WNT9A: variants seen among roughly 807,000 people sequenced by gnomAD.
WNT9A encodes the protein protein Wnt-9a.
In WNT9A, 8 loss-of-function variants were observed where a neutral mutation model predicts 31.4. That is an observed-to-expected ratio of 0.26 (90% CI 0.15 to 0.46). WNT9A has a LOEUF of 0.46. WNT9A is among the 20% of genes least tolerant of loss of function. The probability of loss-of-function intolerance (pLI) is 0.99; values close to 1 mark genes in which losing one functional copy is unlikely to be tolerated. For synonymous variants in WNT9A, 236 were observed against 220.1 expected (o/e 1.07, Z -0.64); for missense variants, 457 against 522.9 (o/e 0.87, Z 1.23).
At position 227,921,698 on chromosome 1, in the gene WNT9A, C is replaced by T. The variant is rs141731322; in HGVS notation, c.918G>A (p.Pro306=). The T allele has an allele frequency of 3.0e-4, 478 of 1,612,754 alleles. 4 individuals are homozygous for T. The East Asian group carries it at 8.7e-3, about 29-fold the overall frequency. The change falls in exon 4 of 4, where the codon CCG becomes CCA. Residue 306 remains proline (P), a synonymous_variant. Transcript: ENST00000272164. ...GGTGGCACCTACGGCCAGCGGTGCC[C>T]GGGGAGAAGCGGCCAGCCAGGCAGA... ...PSFCLAGRFS[P]GTAGRRCHRE... is the part of the protein sequence containing the mutation.
At position 227,928,398 on chromosome 1, in the gene WNT9A, A is replaced by C. The variant is rs1666455234; in HGVS notation, c.96-2879T>G. Among the ~76,000 whole-genome samples, 4 of 152,140 alleles carry C rather than the reference A, an allele frequency of 2.6e-5. No homozygotes were observed. Among genetic ancestry groups the C allele is most frequent in the Admixed American group, 1.3e-4 (2 of 15,284 alleles). On this transcript the variant is annotated intron_variant, in intron 1 of 3. Coordinates refer to ENST00000272164, the MANE Select transcript of WNT9A (RefSeq NM_003395.4). The surrounding 1 kb of genome is among the most constrained non-coding windows in gnomAD (Gnocchi z 4.5). ...TGTGGAGGGAGGGTTGCCCCAGCCT[A>C]GCAGTGGCAAGGGATGGCCTGAGGC...
Position 227,921,445 on chromosome 1 carries a change from G to A in WNT9A, c.*73C>T. On this transcript the variant is annotated 3_prime_UTR_variant, in exon 4 of 4. Transcript: ENST00000272164. ...CTGGTCGAGCCCAGGAACTCAGCCT[G>A]TGCAGGTGTAGACCCTTCACACCGT... The A allele has an allele frequency of 1.3e-6, 2 of 1,531,020 alleles. No homozygotes were observed. The highest frequency in any genetic ancestry group is 1.8e-6 in the Non-Finnish European group (2 of 1,139,010). The allele number at this position is 1,531,020 out of a possible 1,614,324, so 94.8% of individuals were successfully genotyped here.
chr1:227,924,942 T>C (rs755891568), intron 2 of WNT9A, among the ~76,000 whole-genome samples: 9 of 152,084 alleles, frequency 5.9e-5, no homozygotes, highest in Admixed American at 5.2e-4. Context: ...TGCACAGGCA[T>C]AGCCCACTGG....
chr1:227,943,818 T>TAAAATTTA (rs1443707074), intron 1 of WNT9A, among the ~76,000 whole-genome samples: 2 of 152,142 alleles, frequency 1.3e-5, no homozygotes, highest in African/African-American at 4.8e-5. Context: ...CTACAAAAAA[T>TAAAATTTA]AAAATTTAAA....
chr1:227,923,422 G>C (rs1666359530), intron 3 of WNT9A, among the ~76,000 whole-genome samples: 1 of 152,178 alleles, frequency 6.6e-6, no homozygotes, highest in African/African-American at 2.4e-5. Context: ...GTCCAGCCCG[G>C]ACTCCCCCAG....
chr1:227,936,383 G>A (rs1038021790), intron 1 of WNT9A, among the ~76,000 whole-genome samples: 19 of 152,092 alleles, frequency 1.2e-4, no homozygotes, highest in African/African-American at 4.1e-4. Flanking sequence ...GTAGAGACGG[G>A]GTTTTGCCAT....
At chr1:227,924,057 CCCAGTCCCACGCCCCACCCCCAA>C in intron 3 of WNT9A, 58 bp downstream of exon 3, 6 of 681,366 alleles carry the variant, frequency 8.8e-6, no homozygotes, top group South Asian at 2.5e-5. Flanking sequence ...CAGCCCCGCC[CCCAGTCCCACGCCCCACCCCCAA>C]CCCCCTGACG....
intron 1 of WNT9A, among the ~76,000 whole-genome samples, chr1:227,939,959 CA>C (rs1355707464): frequency 6.6e-6 from 1 of 152,236 alleles, no homozygotes; most frequent in Non-Finnish European, 1.5e-5. Context: ...CACCAGGGCC[CA>C]GCTGCACCCA....
In WNT9A at chr1:227,923,724, G is replaced by A. The variant is rs555411297; in HGVS notation, c.615+414C>T. ...CACCATGCCTCCCACCTTGGTCTGT[G>A]GGGGGCACATCTTCCTCCCACCGGT... On this transcript the variant is annotated intron_variant, in intron 3 of 3. Transcript: ENST00000272164. 2.5e-3 allele frequency among the ~76,000 whole-genome samples: 384 copies of A among 152,124 alleles called. 1 individual carries two copies. Among genetic ancestry groups the A allele is most frequent in the African/African-American group, 8.6e-3 (358 of 41,510 alleles).
chr1:227,923,192 A>G (rs1666354903), intron 3 of WNT9A, among the ~76,000 whole-genome samples: 1 of 151,744 alleles, frequency 6.6e-6, no homozygotes, highest in African/African-American at 2.4e-5. Flanking sequence ...GTGATTGGGT[A>G]CTCTGACTTC....
At position 227,928,375 on chromosome 1, in the gene WNT9A, T is replaced by C. The variant is rs984275894; in HGVS notation, c.96-2856A>G. Among the ~76,000 whole-genome samples the C allele has an allele frequency of 2.0e-5, 3 of 151,616 alleles. No homozygotes were observed. Among genetic ancestry groups the C allele is most frequent in the African/African-American group, 4.8e-5 (2 of 41,268 alleles). On this transcript the variant is annotated intron_variant, in intron 1 of 3. Transcript: ENST00000272164. The surrounding 1 kb of genome is among the most constrained non-coding windows in gnomAD (Gnocchi z 4.5). ...GGCCGTTGGCACTGTCAGAAGGGTG[T>C]GGAGGGAGGGTTGCCCCAGCCTAGC... is the stretch of plus-strand genomic sequence containing the variant.
intron 3 of WNT9A, 63 bp from the exon 4 acceptor site, chr1:227,922,063 A>C (rs1263423211): frequency 1.3e-6 from 2 of 1,535,376 alleles, no homozygotes; most frequent in East Asian, 2.3e-5. Context: ...CAGTGAGCAG[A>C]CCCTGCCCTG....
intron 1 of WNT9A, among the ~76,000 whole-genome samples, chr1:227,929,152 C>T (rs1327683094): frequency 1.3e-5 from 2 of 152,212 alleles, no homozygotes; most frequent in East Asian, 3.8e-4. Flanking sequence ...CTCAGCCCCA[C>T]TCTAAGACAT....
At chr1:227,947,040 T>C (rs531163612) in intron 1 of WNT9A, among the ~76,000 whole-genome samples, 7 of 152,078 alleles carry the variant, frequency 4.6e-5, no homozygotes, top group African/African-American at 1.7e-4. Context: ...CCTGTAAAGG[T>C]CGCAGGACTG....
At position 227,925,276 on chromosome 1, in the gene WNT9A, G is replaced by T; in HGVS notation, c.339C>A (p.Ser113Arg). The change falls in exon 2 of 4, where the codon AGC (serine) becomes AGA (arginine). Residue 113 changes from serine to arginine, a missense_variant. Ser to Arg is a moderately radical substitution (Grantham distance 110, BLOSUM62 -1). Transcript: ENST00000272164. This position sits in a 1 kb window ranked among gnomAD's most constrained non-coding sequence, Gnocchi z 6.0. ...NCTLEGRYRA[S>R]LLKRGFKETA... ...GGCCACACTCACCTCGCTTGAGCAG[G>T]CTGGCCCGGTAGCGGCCCTCCAGCG... 2 of 1,564,942 alleles carry T rather than the reference G, an allele frequency of 1.3e-6. No individual in the cohort carries two copies. Among genetic ancestry groups the T allele is most frequent in the Non-Finnish European group, 8.7e-7 (1 of 1,155,316 alleles).
intron 2 of WNT9A, 96 bp from the exon 3 acceptor site, chr1:227,924,496 G>A (rs1203556747): frequency 1.4e-6 from 2 of 1,469,564 alleles, no homozygotes; most frequent in Non-Finnish European, 9.1e-7. Flanking sequence ...TGAATCCCAT[G>A]TTGGGGCTCA....
chr1:227,928,518 T>C lies in WNT9A; in HGVS notation c.96-2999A>G, dbSNP rs1310057898. ...TCCTGCCCCCTCACCTCTCCCACCC[T>C]GGGTAACCCCTGCCCCATGCCTCCT... On this transcript the variant is annotated intron_variant, in intron 1 of 3. Coordinates refer to ENST00000272164, the MANE Select transcript of WNT9A (RefSeq NM_003395.4). The surrounding 1 kb of genome is among the most constrained non-coding windows in gnomAD (Gnocchi z 4.5). Among the ~76,000 whole-genome samples, 1 of 152,188 alleles carries C rather than the reference T, an allele frequency of 6.6e-6. No individual in the cohort carries two copies. The highest frequency in any genetic ancestry group is 1.5e-5 in the Non-Finnish European group (1 of 68,026).
intron 1 of WNT9A, chr1:227,941,590 G>C (rs1472138736): frequency 6.5e-6 from 1 of 154,236 alleles, no homozygotes; most frequent in Non-Finnish European, 1.5e-5. Context: ...GCAGCAGCTG[G>C]GGCCGACCTC....
At chr1:227,941,083 G>A (rs1454664907) in intron 1 of WNT9A, among the ~76,000 whole-genome samples, 4 of 152,248 alleles carry the variant, frequency 2.6e-5, no homozygotes, top group African/African-American at 9.6e-5. Flanking sequence ...ACACGGGAAG[G>A]TGCGGCAGCC....
Sources: gnomAD v4.1 joint callset for allele counts (sites outside exome capture counted in the v4.1 genomes callset) on GRCh38, gnomAD v4.1.1 for gene constraint, Gnocchi (gnomAD v3.1) non-coding constraint, MANE v1.5 for transcripts, NCBI Gene and HGNC (gene_info 2026-07-23, HGNC 2026-07-21) for gene names.